Variants in TTBK2 observed in about 807,000 individuals in gnomAD.
TTBK2 encodes the protein tau tubulin kinase 2, also known as tau-tubulin kinase 2.
Under a neutral mutation model 110.8 loss-of-function variants are expected in TTBK2, and 28 were observed. That is an observed-to-expected ratio of 0.25 (90% CI 0.19 to 0.35). TTBK2 has a LOEUF of 0.35. Among genes scored for constraint, TTBK2 ranks in the 10% least tolerant of loss-of-function variants. The probability of loss-of-function intolerance (pLI) is 1.00; values close to 1 mark genes in which losing one functional copy is unlikely to be tolerated. For missense variants in TTBK2, 1,369 were observed against 1,500.3 expected, an observed-to-expected ratio of 0.91 and a Z score of 1.45; for synonymous variants, 532 against 527.3, an observed-to-expected ratio of 1.01 and a Z score of -0.12.
At chr15:42,759,334 C>G (rs1458625651) in intron 13 of TTBK2, among the ~76,000 whole-genome samples, 1 of 152,238 alleles carries the variant, frequency 6.6e-6, no homozygotes, top group Non-Finnish European at 1.5e-5. Flanking sequence ...ACAGCTGGCT[C>G]AGGCCAGCTC....
chr15:42,751,271 T>C (rs987362694), intron 14 of TTBK2, among the ~76,000 whole-genome samples: 1 of 152,244 alleles, frequency 6.6e-6, no homozygotes, highest in Non-Finnish European at 1.5e-5. Context: ...AGATGTAATT[T>C]TGTAACATCA....
chr15:42,768,474 CAGAG>C (rs913009343), intron 13 of TTBK2, among the ~76,000 whole-genome samples: 4 of 152,116 alleles, frequency 2.6e-5, no homozygotes, highest in African/African-American at 9.7e-5. Flanking sequence ...CAATAACAGA[CAGAG>C]AGCCAAATCA....
intron 3 of TTBK2, among the ~76,000 whole-genome samples, chr15:42,847,874 A>G (rs1893532003): frequency 6.6e-6 from 1 of 152,166 alleles, no homozygotes; most frequent in South Asian, 2.1e-4. Flanking sequence ...ATATTTTTAG[A>G]CAGGATCTCA....
chr15:42,817,100 A>G lies in TTBK2; in HGVS notation c.538-3T>C, dbSNP rs1892069829. ...CGAAAACCTGCCACAGCTCGAGGCT[A>G]CAACGAAGCCATGCAAAGAATAATA... On this transcript the variant is annotated splice_polypyrimidine_tract_variant and splice_region_variant and intron_variant, in intron 6 of 14. Coordinates refer to ENST00000267890, the MANE Select transcript of TTBK2 (RefSeq NM_173500.4). 1 of 1,604,802 alleles carries G rather than the reference A, an allele frequency of 6.2e-7. No individual in the cohort carries two copies. Among genetic ancestry groups the G allele is most frequent in the Non-Finnish European group, 8.5e-7 (1 of 1,174,404 alleles).
At chr15:42,839,258 T>C (rs1046547602) in intron 4 of TTBK2, among the ~76,000 whole-genome samples, 1 of 152,214 alleles carries the variant, frequency 6.6e-6, no homozygotes, top group Non-Finnish European at 1.5e-5. Flanking sequence ...TGCATCCATG[T>C]TGCTGCAAAG....
Position 42,777,055 on chromosome 15 carries a change from T to C in TTBK2, c.1385A>G (p.Asp462Gly). 1 of 1,614,130 alleles carries C rather than the reference T, an allele frequency of 6.2e-7. No homozygotes were observed. Among genetic ancestry groups the C allele is most frequent in the Non-Finnish European group, 8.5e-7 (1 of 1,179,976 alleles). The change falls in exon 12 of 15, where the codon GAC becomes GGC. Residue 462 changes from aspartate to glycine, a missense_variant. This residue lies in a region of TTBK2 where 1,097 missense variants were observed against 1,114.7 expected (regional missense o/e 0.98). Coordinates refer to ENST00000267890, the MANE Select transcript of TTBK2 (RefSeq NM_173500.4). ...EKRLTLEPKP[D>G]TDKFLETCLE... ...CCAGGTCTCAAGGAACTTGTCAGTG[T>C]CTGGCTTTGGCTCCAGGGTCAGACG...
chr15:42,824,841 C>T (rs1321155291), intron 6 of TTBK2, among the ~76,000 whole-genome samples: 1 of 151,930 alleles, frequency 6.6e-6, no homozygotes, highest in East Asian at 1.9e-4. Flanking sequence ...ATATAACAAA[C>T]TTGCACAGGT....
chr15:42,802,143 C>T (rs376438007), intron 9 of TTBK2: 6 of 1,420,314 alleles, frequency 4.2e-6, no homozygotes, highest in Non-Finnish European at 5.9e-6. Flanking sequence ...GCTTCTCCTC[C>T]TGGGTGCGCA....
At chr15:42,899,539 G>C (rs1454782822) in intron 1 of TTBK2, among the ~76,000 whole-genome samples, 2 of 152,086 alleles carry the variant, frequency 1.3e-5, no homozygotes, top group Middle Eastern at 3.2e-3. Context: ...AGGAGATCGA[G>C]ACCATCTTGG....
Position 42,777,067 on chromosome 15 carries a change from T to A in TTBK2, c.1373A>T (p.Glu458Val). ...GAACTTGTCAGTGTCTGGCTTTGGCTCCAGGGTCAGACGTTTTTCCAGCTC... is the reference window on the plus strand; with the variant it reads ...GAACTTGTCAGTGTCTGGCTTTGGCACCAGGGTCAGACGTTTTTCCAGCTC... ...SFELEKRLTL[E>V]PKPDTDKFLE... The change falls in exon 12 of 15, where the codon GAG becomes GTG. Residue 458 changes from glutamate (E) to valine (V), a missense_variant. Around this residue, in one of 4 missense-constraint regions of TTBK2, gnomAD observed 1,097 missense variants for 1,114.7 expected, o/e 0.98. Transcript: ENST00000267890. The A allele has an allele frequency of 6.2e-7, 1 of 1,614,188 alleles. No homozygotes were observed. The highest frequency in any genetic ancestry group is 8.5e-7 in the Non-Finnish European group (1 of 1,180,024).
intron 9 of TTBK2, among the ~76,000 whole-genome samples, chr15:42,803,995 C>G (rs1440442575): frequency 1.6e-5 from 2 of 126,368 alleles, no homozygotes; most frequent in African/African-American, 6.5e-5. Context: ...CCATTGTACT[C>G]CAGCGAGGAG....
At chr15:42,778,152 A>AAAAT (rs1890011671) in intron 11 of TTBK2, among the ~76,000 whole-genome samples, 1 of 152,200 alleles carries the variant, frequency 6.6e-6, no homozygotes, top group South Asian at 2.1e-4. Flanking sequence ...GTTCCAATAT[A>AAAAT]AAATATAGAC....
chr15:42,902,203 G>A (rs1273833367), intron 1 of TTBK2, among the ~76,000 whole-genome samples: 1 of 143,996 alleles, frequency 6.9e-6, no homozygotes, highest in South Asian at 2.2e-4. Flanking sequence ...GCAACAGAGC[G>A]AGACTCCATC....
intron 7 of TTBK2, among the ~76,000 whole-genome samples, chr15:42,815,927 T>A (rs1489478079): frequency 1.9e-4 from 10 of 52,454 alleles, no homozygotes; most frequent in African/African-American, 1.5e-3. Context: ...TATATATATT[T>A]AAAAATATAT....
chr15:42,855,012 C>G (rs1485335713), intron 3 of TTBK2: 1 of 152,034 alleles, frequency 6.6e-6, no homozygotes, highest in Non-Finnish European at 1.5e-5. Flanking sequence ...ATATAAAAGT[C>G]AAGTTTAAAT....
At chr15:42,807,874 C>T (rs1891542299) in intron 9 of TTBK2, among the ~76,000 whole-genome samples, 1 of 152,058 alleles carries the variant, frequency 6.6e-6, no homozygotes, top group East Asian at 1.9e-4. Flanking sequence ...TATTTATGCA[C>T]TTATAGGGTT....
intron 3 of TTBK2, among the ~76,000 whole-genome samples, chr15:42,844,495 G>A (rs1354578710): frequency 6.6e-6 from 1 of 152,198 alleles, no homozygotes; most frequent in East Asian, 1.9e-4. Context: ...GGAGGTCAAG[G>A]CTGCAGTGAG....
chr15:42,914,903 G>T (rs932779041), intron 1 of TTBK2, among the ~76,000 whole-genome samples: 7 of 152,100 alleles, frequency 4.6e-5, no homozygotes, highest in African/African-American at 1.7e-4. Context: ...ATAATACCTG[G>T]AACACTTGTA....
At chr15:42,812,180 G>C (rs1369673818) in intron 7 of TTBK2, among the ~76,000 whole-genome samples, 2 of 152,226 alleles carry the variant, frequency 1.3e-5, no homozygotes, top group Admixed American at 1.3e-4. Flanking sequence ...ACCAGGAAGG[G>C]GACAGGCATA....
Sources: allele counts gnomAD v4.1 joint callset (sites outside exome capture counted in the v4.1 genomes callset), GRCh38; gene constraint gnomAD v4.1.1; regional missense constraint gnomAD v4.1.1; transcripts MANE v1.5; gene names NCBI Gene and HGNC (gene_info 2026-07-23, HGNC 2026-07-21).